Variants in RGPD1 observed in about 807,000 individuals in gnomAD.
RGPD1 encodes the protein RANBP2 like and GRIP domain containing 1, also known as RANBP2-like and GRIP domain-containing protein 1.
Under a neutral mutation model 40.6 loss-of-function variants are expected in RGPD1, and 7 were observed. The observed-to-expected ratio is 0.17, with a 90% CI of 0.10 to 0.32. The LOEUF is 0.32. Ranked by LOEUF, RGPD1 falls within the 10% of genes least tolerant of loss-of-function variation. The pLI is 1.00. For synonymous variants in RGPD1, 24 were observed against 167.0 expected (o/e 0.14, Z 6.60); for missense variants, 50 against 472.5 (o/e 0.11, Z 8.29).
In RGPD1 at chr2:86,942,210, C is replaced by T. The variant is rs1025227487; in HGVS notation, c.-27C>T. On this transcript the variant is annotated 5_prime_UTR_variant, in exon 1 of 23. Transcript: ENST00000641458. ...TGCGGGGCTGAGCGCTGGTTTCACG[C>T]GTCTCGGGAGCCAGGTTGGCGGTGC... 7.2e-5 allele frequency: 115 copies of T among 1,591,732 alleles called. No individual in the cohort carries two copies. In the African/African-American group the frequency reaches 1.3e-3, roughly 18 times the overall value.
At chr2:86,930,583 A>T in intron 1 of RGPD1, 1 of 1,611,274 alleles carries the variant, frequency 6.2e-7, no homozygotes, top group Non-Finnish European at 8.5e-7. Context: ...AGCCAGAACC[A>T]CCAGAGCTCA....
At chr2:86,935,797 CT>C (rs1679306078) in intron 1 of RGPD1, among the ~76,000 whole-genome samples, 1 of 133,040 alleles carries the variant, frequency 7.5e-6, no homozygotes, top group South Asian at 2.6e-4. Context: ...ATGCAATAGT[CT>C]GTCTCTGCTT....
Position 86,986,312 on chromosome 2 carries a change from G to A in RGPD1, c.3413G>A (p.Arg1138Gln). ...TCTGATGGTGATGCCAAACTAGAGC[G>A]GTTGGCAGCACAATTTAAAACACCA... The part of the protein sequence containing the change: ...DFSDGDAKLE[R>Q]LAAQFKTPEL... The change falls in exon 20 of 23, where the codon CGG becomes CAG. Residue 1138 changes from arginine (R) to glutamine (Q), a missense_variant. By Grantham distance (43) the Arg-to-Gln change is conservative. Transcript: ENST00000641458. 9 of 89,738 alleles carry A rather than the reference G, an allele frequency of 1.0e-4. No homozygotes were observed. Among genetic ancestry groups the A allele is most frequent in the African/African-American group, 1.1e-3 (2 of 1,828 alleles). 5.6% of individuals were successfully genotyped at this position (89,738 alleles called of 1,614,324 possible).
At chr2:86,944,271 G>A (rs1680163077) in intron 1 of RGPD1, among the ~76,000 whole-genome samples, 1 of 152,186 alleles carries the variant, frequency 6.6e-6, no homozygotes. Flanking sequence ...CTCCAGAGAA[G>A]AAGGATAGAT....
chr2:86,941,213 T>G (rs1450885827), upstream of RGPD1, among the ~76,000 whole-genome samples: 25 of 151,576 alleles, frequency 1.6e-4, no homozygotes, highest in Non-Finnish European at 3.2e-4. Context: ...TTAAAAATGT[T>G]TTGTTAAATT....
chr2:86,914,981 A>G (rs1427996002), intron 1 of RGPD1, among the ~76,000 whole-genome samples: 1 of 147,344 alleles, frequency 6.8e-6, no homozygotes, highest in Non-Finnish European at 1.5e-5. Context: ...CTGTTGGGGA[A>G]TATTGTGCAG....
intron 1 of RGPD1, among the ~76,000 whole-genome samples, chr2:86,925,044 T>A (rs1187889984): frequency 6.6e-6 from 1 of 152,214 alleles, no homozygotes; most frequent in Non-Finnish European, 1.5e-5. Flanking sequence ...TGTTAAACAC[T>A]CTTTCATGTG....
At chr2:86,940,709 C>A (rs570818278), upstream of RGPD1, among the ~76,000 whole-genome samples, 194 of 152,258 alleles carry the variant, frequency 1.3e-3, no homozygotes, top group Middle Eastern at 6.8e-3. Context: ...GATGTTCCCC[C>A]CTCTGCCTTT....
At chr2:86,983,761 A>AT (rs1311023658) in intron 18 of RGPD1, among the ~76,000 whole-genome samples, 1 of 3,206 alleles carries the variant, frequency 3.1e-4, no homozygotes, top group Non-Finnish European at 5.1e-4. Context: ...TCAGACTAAG[A>AT]TTTTTTTTTT....
chr2:86,934,811 T>C (rs1220893693), intron 1 of RGPD1: 1 of 146,864 alleles, frequency 6.8e-6, no homozygotes. Flanking sequence ...GAGTATACTT[T>C]GGGAACGACA....
At chr2:86,988,042 A>G (rs1326134868) in intron 20 of RGPD1, among the ~76,000 whole-genome samples, 2 of 87,938 alleles carry the variant, frequency 2.3e-5, no homozygotes, top group Non-Finnish European at 4.1e-5. Context: ...GGCAGAGCAA[A>G]AGAACTTGGT....
intron 1 of RGPD1, among the ~76,000 whole-genome samples, chr2:86,926,071 C>G (rs1156867812): frequency 3.3e-5 from 5 of 152,268 alleles, no homozygotes; most frequent in African/African-American, 4.8e-5. Context: ...TTGCATAAGC[C>G]CAGAGCCTAG....
chr2:86,945,529 C>T (rs1245972021), intron 1 of RGPD1, among the ~76,000 whole-genome samples: 4 of 152,128 alleles, frequency 2.6e-5, no homozygotes, highest in African/African-American at 7.2e-5. Context: ...TGTGATGATG[C>T]GTCTGTATAT....
intron 6 of RGPD1, among the ~76,000 whole-genome samples, chr2:86,962,507 CAAAAAAA>C (rs61486857): frequency 6.7e-5 from 2 of 29,908 alleles, no homozygotes; most frequent in Admixed American, 4.2e-4. Flanking sequence ...GACTCTGTCT[CAAAAAAA>C]AAAAAAAAAA....
intron 1 of RGPD1, among the ~76,000 whole-genome samples, chr2:86,920,024 A>G (rs1198404179): frequency 6.6e-6 from 1 of 151,930 alleles, no homozygotes; most frequent in Non-Finnish European, 1.5e-5. Flanking sequence ...GCTGTCTGCA[A>G]TTTCCTTGAG....
At chr2:86,942,508 GCCGGGCGGCGGCGGCGGC>G (rs1679911547) in intron 1 of RGPD1, among the ~76,000 whole-genome samples, 200 bp downstream of exon 1, 2 of 133,310 alleles carry the variant, frequency 1.5e-5, no homozygotes, top group Non-Finnish European at 3.3e-5. Flanking sequence ...CCTCGACCTG[GCCGGGCGGCGGCGGCGGC>G]CTCGACCTGG....
intron 1 of RGPD1, among the ~76,000 whole-genome samples, chr2:86,943,146 A>G (rs1680036248): frequency 6.7e-6 from 1 of 149,378 alleles, no homozygotes. Context: ...CAACGTAGGC[A>G]TCTCAGCACG....
Position 86,933,324 on chromosome 2 carries a change from G to A in RGPD1, c.73-17972G>A, listed in dbSNP as rs559042249. ...TTTTGAGTCTCAGAAAAAAAAGGAA[G>A]AAAAAAACTTCATGGTATAAAACAA... On this transcript the variant is annotated intron_variant, in intron 1 of 22. Coordinates refer to the RGPD1 transcript ENST00000398193. Among the ~76,000 whole-genome samples, 4 of 149,820 alleles carry A rather than the reference G, an allele frequency of 2.7e-5. No individual in the cohort carries two copies. The East Asian group carries it at 7.8e-4, about 29-fold the overall frequency.
chr2:86,915,036 C>G (rs951613477), intron 1 of RGPD1, among the ~76,000 whole-genome samples: 7 of 149,752 alleles, frequency 4.7e-5, no homozygotes, highest in Middle Eastern at 3.2e-3. Flanking sequence ...TGGCTCACAC[C>G]TGTAATCCCA....
Sources: gnomAD v4.1 joint callset for allele counts (sites outside exome capture counted in the v4.1 genomes callset) on GRCh38, gnomAD v4.1.1 for gene constraint, MANE v1.5 for transcripts, NCBI Gene and HGNC (gene_info 2026-07-23, HGNC 2026-07-21) for gene names.